The following RAPH1 variants were observed in gnomAD, a reference collection of about 807,000 sequenced individuals.
RAPH1 encodes the protein ras-associated and pleckstrin homology domains-containing protein 1.
Under a neutral mutation model 88.1 loss-of-function variants are expected in RAPH1, and 18 were observed. That is an observed-to-expected ratio of 0.20 (90% CI 0.14 to 0.30). RAPH1 has a LOEUF of 0.30. RAPH1 is among the 10% of genes least tolerant of loss of function. The pLI, the probability that RAPH1 is intolerant of heterozygous loss-of-function variation, is 1.00. For missense variants in RAPH1, 1,448 were observed against 1,543.2 expected, an observed-to-expected ratio of 0.94 and a Z score of 1.03; for synonymous variants, 587 against 559.0, an observed-to-expected ratio of 1.05 and a Z score of -0.71.
In RAPH1 at chr2:203,440,994, C is replaced by T. The variant is rs144371043; in HGVS notation, c.2196G>A (p.Pro732=). The change falls in exon 14 of 14, where the codon CCG becomes CCA. Residue 732 remains proline, a synonymous_variant. Transcript: ENST00000319170. ...TGAACTGTGGAAGGGATGGGGCACA[C>T]GGTGCAGGCTTTAGCTGGGCCATGG... ...GSAMAQLKPA[P]CAPSLPQFSA... 3.8e-5 allele frequency: 49 copies of T among 1,301,848 alleles called. No homozygotes were observed. Among genetic ancestry groups the T allele is most frequent in the Middle Eastern group, 2.5e-4 (1 of 4,060 alleles). The allele number at this position is 1,301,848 out of a possible 1,614,324, so 80.6% of individuals were successfully genotyped here.
Position 203,441,015 on chromosome 2 carries a change from C to T in RAPH1, c.2175G>A (p.Met725Ile). 1.4e-6 allele frequency: 2 copies of T among 1,383,184 alleles called. No homozygotes were observed. Among genetic ancestry groups the T allele is most frequent in the East Asian group, 2.6e-5 (1 of 38,000 alleles). The allele number at this position is 1,383,184 out of a possible 1,614,324, so 85.7% of individuals were successfully genotyped here. The change falls in exon 14 of 14, where the codon ATG becomes ATA. Residue 725 changes from methionine (M) to isoleucine (I), a missense_variant. Physicochemically the swap from Met to Ile is conservative, Grantham distance 10. This residue lies in a region of RAPH1 where 935 missense variants were observed against 890.1 expected (regional missense o/e 1.05). Transcript: ENST00000319170. ...CACACGGTGCAGGCTTTAGCTGGGC[C>T]ATGGCAGAGCCTGGGGTTGGGGGTG... The part of the protein sequence containing the change: ...PPPPPTPGSA[M>I]AQLKPAPCAP...
chr2:203,456,704 T>TTC (rs2098519856), intron 8 of RAPH1, among the ~76,000 whole-genome samples: 1 of 152,208 alleles, frequency 6.6e-6, no homozygotes, highest in South Asian at 2.1e-4. Flanking sequence ...AATGTTGATC[T>TTC]TCGCTTCCTA....
intron 4 of RAPH1, among the ~76,000 whole-genome samples, chr2:203,463,244 A>G (rs1166113658): frequency 1.3e-5 from 2 of 152,168 alleles, no homozygotes; most frequent in African/African-American, 4.8e-5. Flanking sequence ...TCCACCTTAA[A>G]TATTCCTTAA....
intron 1 of RAPH1, among the ~76,000 whole-genome samples, chr2:203,531,187 A>G (rs968904864): frequency 6.6e-6 from 1 of 152,212 alleles, no homozygotes; most frequent in Non-Finnish European, 1.5e-5. Context: ...TCTTGGATAT[A>G]ACACCAAAAG....
chr2:203,509,901 C>T (rs1040557894), intron 1 of RAPH1, among the ~76,000 whole-genome samples: 9 of 152,110 alleles, frequency 5.9e-5, no homozygotes, highest in African/African-American at 2.2e-4. Flanking sequence ...ATGTCACCTG[C>T]CTTGTTCCCC....
chr2:203,532,968 T>TAACC (rs1690451263), intron 1 of RAPH1, among the ~76,000 whole-genome samples: 1 of 152,316 alleles, frequency 6.6e-6, no homozygotes, highest in South Asian at 2.1e-4. Flanking sequence ...CTACAATGTG[T>TAACC]AACCAAGAAT....
chr2:203,449,071 A>G (rs888652471), intron 10 of RAPH1, among the ~76,000 whole-genome samples: 6 of 152,256 alleles, frequency 3.9e-5, no homozygotes, highest in African/African-American at 1.4e-4. Flanking sequence ...GTTAAAATAG[A>G]TCTTCACATC....
chr2:203,486,419 T>C (rs1687974922), intron 4 of RAPH1, among the ~76,000 whole-genome samples: 1 of 151,874 alleles, frequency 6.6e-6, no homozygotes, highest in African/African-American at 2.4e-5. Context: ...AAGGGAGAAG[T>C]GAGAAGAAGC....
At chr2:203,497,700 T>C (rs1212467215) in intron 1 of RAPH1, among the ~76,000 whole-genome samples, 1 of 152,188 alleles carries the variant, frequency 6.6e-6, no homozygotes, top group Non-Finnish European at 1.5e-5. Flanking sequence ...TCTAATCATA[T>C]ATAAATCAGG....
At chr2:203,453,572 AAAAG>A in intron 10 of RAPH1, among the ~76,000 whole-genome samples, 1 of 149,396 alleles carries the variant, frequency 6.7e-6, no homozygotes, top group African/African-American at 2.5e-5. Context: ...AAAAAAAAAA[AAAAG>A]GTTGCTACTA....
At chr2:203,506,894 A>AT (rs1183138481) in intron 1 of RAPH1, among the ~76,000 whole-genome samples, 13 of 101,264 alleles carry the variant, frequency 1.3e-4, no homozygotes, top group African/African-American at 6.6e-4. Flanking sequence ...ATATATATAT[A>AT]TATATTTTTT....
At chr2:203,491,044 CAAAAAAAAAA>C (rs1234982757) in intron 3 of RAPH1, among the ~76,000 whole-genome samples, 160 bp downstream of exon 3, 1 of 52,770 alleles carries the variant, frequency 1.9e-5, no homozygotes, top group Non-Finnish European at 3.9e-5. Context: ...AACTCTGTCT[CAAAAAAAAAA>C]AAAAAAGAAA....
chr2:203,479,605 C>CAAAAAAAAAAAAAAAA (rs796562365), intron 4 of RAPH1, among the ~76,000 whole-genome samples: 1 of 64,194 alleles, frequency 1.6e-5, no homozygotes, highest in African/African-American at 5.6e-5. Flanking sequence ...AAGACTGACT[C>CAAAAAAAAAAAAAAAA]AAAAAAAAAA....
At chr2:203,480,999 G>A (rs1021962306) in intron 4 of RAPH1, among the ~76,000 whole-genome samples, 4 of 152,156 alleles carry the variant, frequency 2.6e-5, no homozygotes, top group Non-Finnish European at 1.5e-5. Context: ...ACTACGAAGA[G>A]TGGGAACCTG....
chr2:203,455,616 C>G (rs374347486), intron 8 of RAPH1, 36 bp from the exon 9 acceptor site: 9 of 1,595,504 alleles, frequency 5.6e-6, no homozygotes, highest in African/African-American at 2.7e-5. Context: ...GACTTATGAT[C>G]GTTGGATTCT....
Position 203,461,933 on chromosome 2 carries a change from C to A in RAPH1, c.733-8G>T. The A allele has an allele frequency of 6.2e-7, 1 of 1,603,938 alleles. No homozygotes were observed. The highest frequency in any genetic ancestry group is 8.5e-7 in the Non-Finnish European group (1 of 1,174,790). ...TTTTGCTGCCTGTTCTTCCTGTGAA[C>A]ACAAAGCATTTCAGATAAACAATGC... On this transcript the variant is annotated splice_region_variant and splice_polypyrimidine_tract_variant and intron_variant, in intron 4 of 13. Coordinates refer to ENST00000319170, the MANE Select transcript of RAPH1 (RefSeq NM_213589.3).
chr2:203,519,447 G>A (rs1314567469), intron 1 of RAPH1, among the ~76,000 whole-genome samples: 1 of 152,006 alleles, frequency 6.6e-6, no homozygotes, highest in Non-Finnish European at 1.5e-5. Context: ...ACAAAATCCA[G>A]TACTCATTCA....
intron 4 of RAPH1, among the ~76,000 whole-genome samples, chr2:203,488,588 TAAAAAAAAAAAAAA>T (rs750783858): frequency 3.8e-4 from 14 of 36,652 alleles, no homozygotes; most frequent in Non-Finnish European, 4.2e-4. Flanking sequence ...CTCCGTCTAT[TAAAAAAAAAAAAAA>T]AAAAAAAAAA....
chr2:203,506,812 C>CTA (rs768853766), intron 1 of RAPH1, among the ~76,000 whole-genome samples: 8 of 52,192 alleles, frequency 1.5e-4, no homozygotes, highest in African/African-American at 8.5e-4. Flanking sequence ...ATATCTATAT[C>CTA]TATATATCTA....
Sources: gnomAD v4.1 joint callset for allele counts (sites outside exome capture counted in the v4.1 genomes callset) on GRCh38, gnomAD v4.1.1 for gene constraint, gnomAD v4.1.1 regional missense constraint, MANE v1.5 for transcripts, NCBI Gene and HGNC (gene_info 2026-07-23, HGNC 2026-07-21) for gene names.